INPP4A: variants seen among roughly 807,000 people sequenced by gnomAD.
The protein encoded by INPP4A is inositol polyphosphate-4-phosphatase, type I, 107kD.
A neutral mutation model predicts 119.8 loss-of-function variants in INPP4A; 33 were observed. That is an observed-to-expected ratio of 0.28 (90% CI 0.21 to 0.37). INPP4A has a LOEUF of 0.37. Among genes scored for constraint, INPP4A ranks in the 10% least tolerant of loss-of-function variants. INPP4A has a pLI of 1.00. For synonymous variants in INPP4A, 496 were observed against 500.7 expected (o/e 0.99, Z 0.12); for missense variants, 956 against 1,289.9 (o/e 0.74, Z 3.97).
At chr2:98,536,413 T>C (rs1330380738) in intron 7 of INPP4A, among the ~76,000 whole-genome samples, 1 of 152,166 alleles carries the variant, frequency 6.6e-6, no homozygotes, top group African/African-American at 2.4e-5. Context: ...ATAGGAGATA[T>C]GAGCACAGCT....
rs146715343 is a variant in INPP4A, at chr2:98,450,158, A to G, written c.-166+5073A>G. Among the ~76,000 whole-genome samples the G allele has an allele frequency of 7.5e-3, 1,137 of 152,238 alleles. 15 individuals are homozygous for G. The highest frequency in any genetic ancestry group is 0.031 in the Middle Eastern group (9 of 294). ...CCAAGCTTTTCTGAGTACCCCCTGC[A>G]TGCCAGGCCTCCCTGGACATCCTGT... On this transcript the variant is annotated intron_variant, in intron 1 of 24. Coordinates refer to ENST00000409851, the MANE Select transcript of INPP4A (RefSeq NM_001134225.2).
At position 98,445,102 on chromosome 2, in the gene INPP4A, G is replaced by T; in HGVS notation, c.-166+17G>T. ...GAGCGCCAGGTAGGTGGGCCGGGCCGGGCAGGAGGCGACGCGGCCGCCGCG... is the reference window on the plus strand; with the variant it reads ...GAGCGCCAGGTAGGTGGGCCGGGCCTGGCAGGAGGCGACGCGGCCGCCGCG... On this transcript the variant is annotated intron_variant, in intron 1 of 24. Coordinates refer to ENST00000409851, the MANE Select transcript of INPP4A (RefSeq NM_001134225.2). 1 of 150,208 alleles carries T rather than the reference G, an allele frequency of 6.7e-6. No individual in the cohort carries two copies. The highest frequency in any genetic ancestry group is 1.8e-4 in the South Asian group (1 of 5,492). 9.3% of individuals were successfully genotyped at this position (150,208 alleles called of 1,614,324 possible).
rs905460202 is a variant in INPP4A at position 98,554,052 on chromosome 2, G to C, written c.1348-219G>C. On this transcript the variant is annotated intron_variant, in intron 14 of 24. Coordinates refer to ENST00000409851, the MANE Select transcript of INPP4A (RefSeq NM_001134225.2). This position sits in a 1 kb window ranked among gnomAD's most constrained non-coding sequence, Gnocchi z 4.7. The stretch of plus-strand genomic sequence containing the variant: ...ATTTCTCAACCTCTTCTCTTCCTTG[G>C]TGGGAAATTCTTGTTAAGATTCAGC... Among the ~76,000 whole-genome samples the C allele has an allele frequency of 1.3e-5, 2 of 152,200 alleles. No homozygotes were observed.
chr2:98,553,248 AG>A (rs1228162097), intron 14 of INPP4A, among the ~76,000 whole-genome samples: 2 of 151,794 alleles, frequency 1.3e-5, no homozygotes, highest in Non-Finnish European at 2.9e-5. Context: ...CATTTTGTTG[AG>A]GGTGATACAG....
rs72821903 is a variant in INPP4A at position 98,460,655 on chromosome 2, C to A, written c.-166+15570C>A. Among the ~76,000 whole-genome samples the A allele has an allele frequency of 1.7e-3, 266 of 152,240 alleles. 1 individual carries two copies. Among genetic ancestry groups the A allele is most frequent in the Non-Finnish European group, 3.0e-3 (201 of 68,012 alleles). ...ACCAGTTTTAGGGGATTGTGGGCCG[C>A]GACTTGGCCTCCTTGTCTCCGCTCT... is the stretch of plus-strand genomic sequence containing the variant. On this transcript the variant is annotated intron_variant, in intron 1 of 24. Coordinates refer to ENST00000409851, the MANE Select transcript of INPP4A (RefSeq NM_001134225.2).
chr2:98,494,091 T>C (rs765638733), intron 1 of INPP4A, among the ~76,000 whole-genome samples: 1 of 152,232 alleles, frequency 6.6e-6, no homozygotes, highest in Non-Finnish European at 1.5e-5. Flanking sequence ...TGCTCCTTCC[T>C]TCTCTTTTCC....
intron 8 of INPP4A, 79 bp from the exon 9 acceptor site, chr2:98,538,812 T>C (rs1453230738): frequency 1.3e-6 from 1 of 797,856 alleles, no homozygotes; most frequent in African/African-American, 1.7e-5. Flanking sequence ...ATGATGTATT[T>C]AGGCCACTGT....
At chr2:98,571,055 A>C (rs867699832) in intron 22 of INPP4A, among the ~76,000 whole-genome samples, 14 of 152,162 alleles carry the variant, frequency 9.2e-5, no homozygotes, top group Non-Finnish European at 5.9e-5. Flanking sequence ...TCCTGCGAGG[A>C]CTTGGCAGCT....
intron 1 of INPP4A, among the ~76,000 whole-genome samples, chr2:98,485,973 AG>A (rs1679456458): frequency 1.3e-5 from 2 of 152,352 alleles, no homozygotes. Context: ...GGGGGCCTCC[AG>A]ATGAAAAGGT....
rs115725849 is a variant in INPP4A, at chr2:98,473,978, C to T, written c.-166+28893C>T. On this transcript the variant is annotated intron_variant, in intron 1 of 24. Coordinates refer to ENST00000409851, the MANE Select transcript of INPP4A (RefSeq NM_001134225.2). ...GAGAAGAATCACCTCTCCCACTTTGCCTTCCAGTTCCTCTCCCCAGAGGCA... is the reference window on the plus strand; with the variant it reads ...GAGAAGAATCACCTCTCCCACTTTGTCTTCCAGTTCCTCTCCCCAGAGGCA... Among the ~76,000 whole-genome samples the T allele has an allele frequency of 5.2e-3, 789 of 152,268 alleles. 4 individuals are homozygous for T. The highest frequency in any genetic ancestry group is 8.2e-3 in the Non-Finnish European group (559 of 68,012).
intron 1 of INPP4A, among the ~76,000 whole-genome samples, chr2:98,486,518 G>A (rs1005536630): frequency 5.3e-5 from 8 of 152,226 alleles, no homozygotes; most frequent in East Asian, 3.9e-4. Context: ...CTAAAAAGGC[G>A]TGGAAACCCA....
Position 98,578,505 on chromosome 2 carries a change from A to G in INPP4A, c.2786+1362A>G, listed in dbSNP as rs151284249. 6.6e-4 allele frequency among the ~76,000 whole-genome samples: 101 copies of G among 152,340 alleles called. 1 individual carries two copies. The highest frequency in any genetic ancestry group is 2.3e-3 in the African/African-American group (95 of 41,580). ...GTTCTCGGGCTCTCGAACAAGTTCAACGGAAACAATTCATTCTGACCACCT... is the reference window on the plus strand; with the variant it reads ...GTTCTCGGGCTCTCGAACAAGTTCAGCGGAAACAATTCATTCTGACCACCT... On this transcript the variant is annotated intron_variant, in intron 24 of 24. Transcript: ENST00000409851.
In INPP4A at chr2:98,539,683, C is replaced by CT; in HGVS notation, c.818+8_818+9insT. ...AGAGGAAGATGCAGCCAGGTGAGGCCACATGGAAGGACTGACTGTCCATCA... is the reference window on the plus strand; with the variant it reads ...AGAGGAAGATGCAGCCAGGTGAGGCCTACATGGAAGGACTGACTGTCCATCA... On this transcript the variant is annotated intron_variant, in intron 10 of 24. Transcript: ENST00000409851. The CT allele has an allele frequency of 6.2e-7, 1 of 1,603,598 alleles. No individual in the cohort carries two copies. The highest frequency in any genetic ancestry group is 8.5e-7 in the Non-Finnish European group (1 of 1,175,728).
chr2:98,587,975 G>C lies in INPP4A; in HGVS notation c.*367G>C, dbSNP rs1383791642. 1 of 230,156 alleles carries C rather than the reference G, an allele frequency of 4.3e-6. No individual in the cohort carries two copies. Among genetic ancestry groups the C allele is most frequent in the Non-Finnish European group, 8.6e-6 (1 of 116,796 alleles). The allele number at this position is 230,156 out of a possible 1,614,324, so 14.3% of individuals were successfully genotyped here. A position where few individuals can be genotyped will look rare whatever the true frequency, so the allele number is the denominator to read the frequency against. ...CTGCTTGCTCACTTACTTTTCTACA[G>C]AGTAACTCAAAAGTAACCATTGAAT... On this transcript the variant is annotated 3_prime_UTR_variant, in exon 25 of 25. Coordinates refer to ENST00000409851, the MANE Select transcript of INPP4A (RefSeq NM_001134225.2).
chr2:98,521,608 T>A (rs1687207115), intron 4 of INPP4A: 1 of 152,204 alleles, frequency 6.6e-6, no homozygotes, highest in Admixed American at 6.5e-5. Flanking sequence ...CCCAAAAGAC[T>A]TGGACAAATT....
intron 4 of INPP4A, among the ~76,000 whole-genome samples, chr2:98,526,542 A>G (rs951194334): frequency 1.3e-5 from 2 of 152,214 alleles, no homozygotes; most frequent in Non-Finnish European, 2.9e-5. Flanking sequence ...CTTCTTTTCT[A>G]TAAAGGCAAT....
chr2:98,556,676 T>C (rs768700571), intron 16 of INPP4A, among the ~76,000 whole-genome samples: 7 of 152,376 alleles, frequency 4.6e-5, no homozygotes, highest in Admixed American at 6.5e-5. Context: ...CTTCATGTGA[T>C]GAGGGCTTTT....
rs930513389 is a variant in INPP4A at position 98,457,546 on chromosome 2, G to C, written c.-166+12461G>C. Among the ~76,000 whole-genome samples the C allele has an allele frequency of 7.2e-5, 11 of 152,318 alleles. 1 individual carries two copies. The South Asian group carries it at 2.1e-3, about 29-fold the overall frequency. ...TTTGTAAACTATTAGGATTGTACCA[G>C]TGTTTGTCATGGGAACTAGCAGCCT... is the stretch of plus-strand genomic sequence containing the variant. On this transcript the variant is annotated intron_variant, in intron 1 of 24. Coordinates refer to ENST00000409851, the MANE Select transcript of INPP4A (RefSeq NM_001134225.2).
In INPP4A at chr2:98,496,555, G is replaced by A. The variant is rs996299780; in HGVS notation, c.-165-22409G>A. Reference sequence around the variant, plus strand: ...CATTAAGCTAAAAAGCTTCTGCACAGCAAAGGAAACAACAAAGTGAAAAGA... The same window carrying A: ...CATTAAGCTAAAAAGCTTCTGCACAACAAAGGAAACAACAAAGTGAAAAGA... On this transcript the variant is annotated intron_variant, in intron 1 of 24. Transcript: ENST00000409851. Among the ~76,000 whole-genome samples, 3 of 152,122 alleles carry A rather than the reference G, an allele frequency of 2.0e-5. No homozygotes were observed. The South Asian group carries it at 6.2e-4, about 32-fold the overall frequency.
Sources: gnomAD v4.1 joint callset for allele counts (sites outside exome capture counted in the v4.1 genomes callset) on GRCh38, gnomAD v4.1.1 for gene constraint, Gnocchi (gnomAD v3.1) non-coding constraint, MANE v1.5 for transcripts, NCBI Gene and HGNC (gene_info 2026-07-23, HGNC 2026-07-21) for gene names.